Variants in SMIM28 observed in about 807,000 individuals in gnomAD.
SMIM28 encodes small integral membrane protein 28.
intron 1 of SMIM28, among the ~76,000 whole-genome samples, chr6:138,378,861 A>G (rs980137107): frequency 1.3e-5 from 2 of 152,230 alleles, no homozygotes; most frequent in Admixed American, 6.5e-5. Flanking sequence ...CCAACTGGTG[A>G]GATTAGTATT....
chr6:138,382,612 GCTGCAAGTCCCCA>G lies in SMIM28; in HGVS notation c.226_238del (p.Cys76ArgfsTer20). ...TTTCTGCTGCTGTTCCTGTACCGCCGCTGCAAGTCCCCACCGCCCCAGGGGCAGGTGTTCAGCA... is the reference window on the plus strand; with the variant it reads ...TTTCTGCTGCTGTTCCTGTACCGCCGCCGCCCCAGGGGCAGGTGTTCAGCA... On this transcript the variant is annotated frameshift_variant, in exon 2 of 2. Transcript: ENST00000573100. LOFTEE classifies it low-confidence loss of function (END_TRUNC). The G allele has an allele frequency of 2.5e-6, 1 of 398,702 alleles. No homozygotes were observed. Among genetic ancestry groups the G allele is most frequent in the Non-Finnish European group, 4.4e-6 (1 of 226,370 alleles). The allele number at this position is 398,702 out of a possible 1,614,324, so 24.7% of individuals were successfully genotyped here. A position where few individuals can be genotyped will look rare whatever the true frequency, so the allele number is the denominator to read the frequency against.
chr6:138,382,414 A>AAAAAAAAG (rs1774323912), intron 1 of SMIM28, 86 bp from the exon 2 acceptor site: 1 of 341,142 alleles, frequency 2.9e-6, no homozygotes, highest in Admixed American at 5.0e-5. Flanking sequence ...AAAAAAAAAA[A>AAAAAAAAG]AAAGAAAGAA....
chr6:138,380,477 G>T (rs774297779), intron 1 of SMIM28, among the ~76,000 whole-genome samples: 80 of 152,224 alleles, frequency 5.3e-4, no homozygotes, highest in South Asian at 6.2e-4. Context: ...ATTATAAAAT[G>T]CTGGCTAGGG....
rs904347613 is a variant in SMIM28, at chr6:138,382,792, A to T, written c.404A>T (p.Glu135Val). 1.3e-5 allele frequency: 5 copies of T among 398,662 alleles called. No homozygotes were observed. In the East Asian group the frequency reaches 1.8e-4, roughly 14 times the overall value. 24.7% of individuals were successfully genotyped at this position (398,662 alleles called of 1,614,324 possible). A position where few individuals can be genotyped will look rare whatever the true frequency, so the allele number is the denominator to read the frequency against. Residue 135 changes from glutamate to valine, a missense_variant, in exon 2 of 2, where the codon GAG becomes GTG. Physicochemically the swap from Glu to Val is moderately radical, Grantham distance 121 (BLOSUM62 -2). Transcript: ENST00000573100. ...CAGTGTTTACCGCCCTCCTACGAAGAGGCCACCAGAAATCCTCCTGGGGAG... is the reference window on the plus strand; with the variant it reads ...CAGTGTTTACCGCCCTCCTACGAAGTGGCCACCAGAAATCCTCCTGGGGAG... ...PSQCLPPSYEEATRNPPGEEA... is the reference protein window; with the variant it reads ...PSQCLPPSYEVATRNPPGEEA...
At position 138,383,159 on chromosome 6, in the gene SMIM28, G is replaced by GA. The variant is rs112738979; in HGVS notation, c.*325dup. The stretch of plus-strand genomic sequence containing the variant: ...AAAAAAGGAAAGTTCTATGTGAGTT[G>GA]AAAAAAAAAAAAACACTTAATTACT... On this transcript the variant is annotated 3_prime_UTR_variant, in exon 2 of 2. Coordinates refer to ENST00000573100, the MANE Select transcript of SMIM28 (RefSeq NM_001368163.3). The GA allele has an allele frequency of 0.012, 1,719 of 145,304 alleles. 9 individuals are homozygous for GA. The highest frequency in any genetic ancestry group is 0.016 in the South Asian group (68 of 4,312). The allele number at this position is 145,304 out of a possible 1,614,324, so 9.0% of individuals were successfully genotyped here.
At position 138,382,604 on chromosome 6, in the gene SMIM28, G is replaced by A; in HGVS notation, c.216G>A (p.Leu72=). 2.5e-6 allele frequency: 1 copy of A among 398,964 alleles called. No individual in the cohort carries two copies. The highest frequency in any genetic ancestry group is 4.4e-6 in the Non-Finnish European group (1 of 226,552). 24.7% of individuals were successfully genotyped at this position (398,964 alleles called of 1,614,324 possible). A position where few individuals can be genotyped will look rare whatever the true frequency, so the allele number is the denominator to read the frequency against. Residue 72 remains leucine, a synonymous_variant, in exon 2 of 2, where the codon CTG becomes CTA. Coordinates refer to ENST00000573100, the MANE Select transcript of SMIM28 (RefSeq NM_001368163.3). ...TCCTGGCATTTCTGCTGCTGTTCCT[G>A]TACCGCCGCTGCAAGTCCCCACCGC... The part of the protein sequence containing the change: ...LLFLAFLLLF[L]YRRCKSPPPQ...
intron 1 of SMIM28, among the ~76,000 whole-genome samples, chr6:138,379,082 T>TA (rs1030772071): frequency 1.4e-4 from 21 of 152,126 alleles, no homozygotes; most frequent in Non-Finnish European, 1.0e-4. Flanking sequence ...GATATTTGAC[T>TA]AAAAAAGACA....
chr6:138,380,091 A>G (rs540809171), intron 1 of SMIM28, among the ~76,000 whole-genome samples: 1 of 152,332 alleles, frequency 6.6e-6, no homozygotes, highest in African/African-American at 2.4e-5. Context: ...TAAATATATA[A>G]GTACTATCAC....
At chr6:138,381,034 C>G (rs1774306957) in intron 1 of SMIM28, among the ~76,000 whole-genome samples, 1 of 151,886 alleles carries the variant, frequency 6.6e-6, no homozygotes, top group Admixed American at 6.5e-5. Context: ...TCCCCAGTAG[C>G]TAGGATTACA....
intron 1 of SMIM28, 91 bp from the exon 2 acceptor site, chr6:138,382,396 CAAAAAAAAAAAAA>C (rs59155652): frequency 1.4e-4 from 21 of 147,594 alleles, no homozygotes; most frequent in African/African-American, 6.7e-4. Context: ...GACTGTGTCT[CAAAAAAAAAAAAA>C]AAAAAAAAGA....
At chr6:138,380,221 T>C (rs904982284) in intron 1 of SMIM28, among the ~76,000 whole-genome samples, 1 of 152,138 alleles carries the variant, frequency 6.6e-6, no homozygotes, top group African/African-American at 2.4e-5. Context: ...GAACAGTCCA[T>C]AGTCACACAG....
rs1374631560 is a variant in SMIM28 at position 138,379,668 on chromosome 6, C to T, written c.111+1485C>T. 2.0e-5 allele frequency among the ~76,000 whole-genome samples: 3 copies of T among 152,206 alleles called. No individual in the cohort carries two copies. The East Asian group carries it at 5.8e-4, about 29-fold the overall frequency. The stretch of plus-strand genomic sequence containing the variant: ...ATAAGCTATTAAGCTATTATTTAAT[C>T]ATTAAAAATGTTAAAACTTTTTTGG... On this transcript the variant is annotated intron_variant, in intron 1 of 1. Transcript: ENST00000573100.
At chr6:138,382,170 G>A (rs1202434022) in intron 1 of SMIM28, among the ~76,000 whole-genome samples, 7 of 152,122 alleles carry the variant, frequency 4.6e-5, no homozygotes, top group Admixed American at 2.6e-4. Flanking sequence ...GCCAAGGGAG[G>A]TGAATCACTT....
Position 138,383,159 on chromosome 6 carries a change from G to T in SMIM28, c.*312G>T. 5 of 145,198 alleles carry T rather than the reference G, an allele frequency of 3.4e-5. No individual in the cohort carries two copies. The highest frequency in any genetic ancestry group is 1.8e-4 in the East Asian group (1 of 5,490). 9.0% of individuals were successfully genotyped at this position (145,198 alleles called of 1,614,324 possible). On this transcript the variant is annotated 3_prime_UTR_variant, in exon 2 of 2. Transcript: ENST00000573100. ...AAAAAAGGAAAGTTCTATGTGAGTT[G>T]AAAAAAAAAAAAACACTTAATTACT...
At chr6:138,378,987 C>A (rs200613950) in intron 1 of SMIM28, among the ~76,000 whole-genome samples, 17 of 151,768 alleles carry the variant, frequency 1.1e-4, no homozygotes, top group South Asian at 4.2e-4. Flanking sequence ...AAAACATCCC[C>A]GAACAACAAA....
At chr6:138,378,217 A>C (rs1774276491) in intron 1 of SMIM28, 34 bp downstream of exon 1, 1 of 398,432 alleles carries the variant, frequency 2.5e-6, no homozygotes, top group Non-Finnish European at 4.4e-6. Flanking sequence ...TTTCTTCCCC[A>C]AAGCATCTTC....
At chr6:138,382,381 AGC>A in intron 1 of SMIM28, 117 bp from the exon 2 acceptor site, 1 of 375,794 alleles carries the variant, frequency 2.7e-6, no homozygotes, top group Admixed American at 4.8e-5. Context: ...TGGGTGACGG[AGC>A]AAGACTGTGT....
rs927979412 is a variant in SMIM28 at position 138,382,713 on chromosome 6, A to G, written c.325A>G (p.Ser109Gly). 23 of 398,522 alleles carry G rather than the reference A, an allele frequency of 5.8e-5. No individual in the cohort carries two copies. The highest frequency in any genetic ancestry group is 9.3e-5 in the Non-Finnish European group (21 of 226,188). The allele number at this position is 398,522 out of a possible 1,614,324, so 24.7% of individuals were successfully genotyped here. ...AGACCTCCTGCCCGGCCTGGCCTGG[A>G]GCAGTGAGGACTTCCCCTACTCCCC... ...VTDLLPGLAW[S>G]SEDFPYSPLP... Residue 109 changes from serine (S) to glycine (G), a missense_variant, in exon 2 of 2, where the codon AGC (serine) becomes GGC (glycine). By Grantham distance (56) the Ser-to-Gly change is moderately conservative. Coordinates refer to ENST00000573100, the MANE Select transcript of SMIM28 (RefSeq NM_001368163.3).
At chr6:138,378,908 C>T (rs936380867) in intron 1 of SMIM28, among the ~76,000 whole-genome samples, 2 of 152,116 alleles carry the variant, frequency 1.3e-5, no homozygotes, top group Non-Finnish European at 2.9e-5. Flanking sequence ...GAAAAAAATA[C>T]ATAAATATAT....
Sources: allele counts gnomAD v4.1 joint callset (sites outside exome capture counted in the v4.1 genomes callset), GRCh38; gene constraint gnomAD v4.1.1; transcripts MANE v1.5; gene names NCBI Gene and HGNC (gene_info 2026-07-23, HGNC 2026-07-21).